The following PITPNC1 variants were observed in gnomAD, a reference collection of about 807,000 sequenced individuals.
PITPNC1 encodes the protein cytoplasmic phosphatidylinositol transfer protein 1.
Under a neutral mutation model 44.7 loss-of-function variants are expected in PITPNC1, and 18 were observed. The observed-to-expected ratio is 0.40, with a 90% CI of 0.28 to 0.60. The LOEUF (loss-of-function observed/expected upper bound fraction) is 0.60. PITPNC1 is among the 20% of genes least tolerant of loss of function. PITPNC1 has a pLI of 0.39. For missense variants in PITPNC1, 290 were observed against 418.4 expected (o/e 0.69, Z 2.68); for synonymous variants, 141 against 149.6 (o/e 0.94, Z 0.42).
At chr17:67,393,056 G>C (rs2038162206) in intron 1 of PITPNC1, among the ~76,000 whole-genome samples, 1 of 151,700 alleles carries the variant, frequency 6.6e-6, no homozygotes, top group African/African-American at 2.4e-5. Context: ...CTTGAACCTG[G>C]GAGGCAGAGG....
intron 6 of PITPNC1, among the ~76,000 whole-genome samples, chr17:67,645,219 T>C (rs2042133971): frequency 6.6e-6 from 1 of 151,632 alleles, no homozygotes; most frequent in Non-Finnish European, 1.5e-5. Flanking sequence ...CGGGCACCTA[T>C]AATCCCAGCT....
chr17:67,599,001 C>CATACATATATATATAT (rs1213219086), intron 5 of PITPNC1, among the ~76,000 whole-genome samples: 7 of 45,152 alleles, frequency 1.6e-4, no homozygotes, highest in South Asian at 1.3e-3. Context: ...ATAAGAAATA[C>CATACATATATATATAT]ATATATATAT....
intron 4 of PITPNC1, among the ~76,000 whole-genome samples, chr17:67,576,750 G>A (rs1375603219): frequency 6.6e-6 from 1 of 152,140 alleles, no homozygotes; most frequent in Admixed American, 6.5e-5. Flanking sequence ...TTGCATTTGG[G>A]GTTTCTGTCC....
chr17:67,472,883 T>TA (rs1412549373), intron 1 of PITPNC1, among the ~76,000 whole-genome samples: 9 of 111,944 alleles, frequency 8.0e-5, no homozygotes, highest in Non-Finnish European at 5.4e-5. Flanking sequence ...TAATGTGGTA[T>TA]TTTTTTTTTT....
intron 1 of PITPNC1, among the ~76,000 whole-genome samples, chr17:67,403,579 G>A (rs770943057): frequency 1.3e-5 from 2 of 152,198 alleles, no homozygotes; most frequent in Non-Finnish European, 2.9e-5. Context: ...ACATTCTAGT[G>A]GGCCAGGCCC....
chr17:67,690,194 T>C (rs2042894556), intron 8 of PITPNC1, among the ~76,000 whole-genome samples: 1 of 152,184 alleles, frequency 6.6e-6, no homozygotes, highest in Non-Finnish European at 1.5e-5. Context: ...ATGCCTATAA[T>C]CCCAGCACTT....
intron 6 of PITPNC1, among the ~76,000 whole-genome samples, chr17:67,647,464 GTT>G (rs60407940): frequency 0.055 from 3,981 of 72,250 alleles, 77 homozygotes; most frequent in Middle Eastern, 0.14. Flanking sequence ...CTAATTTTGG[GTT>G]TTTTTTTTTT....
chr17:67,483,209 A>G (rs1011537558), intron 1 of PITPNC1, among the ~76,000 whole-genome samples: 1 of 152,314 alleles, frequency 6.6e-6, no homozygotes, highest in Non-Finnish European at 1.5e-5. Flanking sequence ...GATTCATATT[A>G]ATCAGAAACT....
intron 1 of PITPNC1, among the ~76,000 whole-genome samples, chr17:67,429,139 C>CT (rs1025564123): frequency 6.6e-6 from 1 of 152,092 alleles, no homozygotes; most frequent in Non-Finnish European, 1.5e-5. Flanking sequence ...CCACGCCCGG[C>CT]TTTTTTACCT....
chr17:67,463,099 A>G (rs752893346), intron 1 of PITPNC1, among the ~76,000 whole-genome samples: 11 of 152,266 alleles, frequency 7.2e-5, no homozygotes, highest in Non-Finnish European at 1.2e-4. Context: ...TTGTGTTTAT[A>G]TAGACTGTGT....
At chr17:67,665,084 T>TTTTG (rs148943727) in intron 6 of PITPNC1, among the ~76,000 whole-genome samples, 7,085 of 151,212 alleles carry the variant, frequency 0.047, 531 homozygotes, top group African/African-American at 0.16. Flanking sequence ...TTTTTTGGGG[T>TTTTG]TTTGTTTGTT....
At position 67,692,667 on chromosome 17, in the gene PITPNC1, A is replaced by T; in HGVS notation, c.778A>T (p.Ser260Cys). Reference sequence around the variant, plus strand: ...TTTCCCACCTGCAATTTCTATCTCCAGCATCCCCCTGCTGCCTTCTTCCGT... The same window carrying T: ...TTTCCCACCTGCAATTTCTATCTCCTGCATCCCCCTGCTGCCTTCTTCCGT... ...GIFPPAISIS[S>C]IPLLPSSVRS... is the part of the protein sequence containing the mutation. Residue 260 changes from serine (S) to cysteine (C), a missense_variant, in exon 9 of 9, where the codon AGC becomes TGC. Transcript: ENST00000581322. 2 of 1,613,628 alleles carry T rather than the reference A, an allele frequency of 1.2e-6. No homozygotes were observed.
rs556680291 is a variant in PITPNC1, at chr17:67,696,388, G to A, written c.*3500G>A. On this transcript the variant is annotated 3_prime_UTR_variant, in exon 9 of 9. Transcript: ENST00000581322. ...ATGGCTCAGCGACAACAAAGTAATA[G>A]GTCATTGGCTGGCTTACGTCGATAG... The A allele has an allele frequency of 1.4e-4, 21 of 152,166 alleles. No individual in the cohort carries two copies. The highest frequency in any genetic ancestry group is 5.1e-4 in the African/African-American group (21 of 41,446). 9.4% of individuals were successfully genotyped at this position (152,166 alleles called of 1,614,324 possible).
At chr17:67,663,633 T>C (rs544465799) in intron 6 of PITPNC1, among the ~76,000 whole-genome samples, 5 of 152,130 alleles carry the variant, frequency 3.3e-5, no homozygotes, top group African/African-American at 1.2e-4. Context: ...CTTGCAGAGC[T>C]TGACTGCCCC....
intron 5 of PITPNC1, among the ~76,000 whole-genome samples, chr17:67,583,893 GTGTTTGTGTGTGTGTGTGTT>G (rs1487237132): frequency 1.0e-3 from 119 of 118,532 alleles, no homozygotes; most frequent in Middle Eastern, 4.6e-3. Flanking sequence ...GTGTGTGTGT[GTGTTTGTGTGTGTGTGTGTT>G]TGTGTTTAGT....
At chr17:67,688,108 G>A (rs982456447) in intron 8 of PITPNC1, among the ~76,000 whole-genome samples, 4 of 151,350 alleles carry the variant, frequency 2.6e-5, no homozygotes, top group Non-Finnish European at 5.9e-5. Context: ...GGAGGCCGAG[G>A]CAGGTGGATC....
chr17:67,683,703 C>T (rs1223009162), intron 8 of PITPNC1, among the ~76,000 whole-genome samples: 2 of 152,012 alleles, frequency 1.3e-5, no homozygotes, highest in Non-Finnish European at 2.9e-5. Context: ...GATGGCTGGG[C>T]GTGGTGGCTC....
chr17:67,455,606 T>G (rs557161881), intron 1 of PITPNC1, among the ~76,000 whole-genome samples: 49 of 140,436 alleles, frequency 3.5e-4, no homozygotes, highest in African/African-American at 1.3e-3. Context: ...TTTTTTTTTG[T>G]TTTTTTTGTA....
chr17:67,463,586 G>C (rs185453627), intron 1 of PITPNC1, among the ~76,000 whole-genome samples: 8 of 152,264 alleles, frequency 5.3e-5, no homozygotes, highest in Admixed American at 3.9e-4. Flanking sequence ...TGTGAATTCG[G>C]TAGTAAAAAT....
Sources: allele counts gnomAD v4.1 joint callset (sites outside exome capture counted in the v4.1 genomes callset), GRCh38; gene constraint gnomAD v4.1.1; transcripts MANE v1.5; gene names NCBI Gene and HGNC (gene_info 2026-07-23, HGNC 2026-07-21).